Variants in EPB41L4B observed in about 807,000 individuals in gnomAD.
The protein encoded by EPB41L4B is band 4.1-like protein 4B.
EPB41L4B carries 30 observed loss-of-function variants against 112.5 expected under a neutral mutation model. The ratio of observed to expected loss-of-function variants is 0.27; its 90% CI spans 0.20 to 0.36. The LOEUF is 0.36. Ranked by LOEUF, EPB41L4B falls within the 10% of genes least tolerant of loss-of-function variation. EPB41L4B has a pLI of 1.00. For missense variants in EPB41L4B, 1,024 were observed against 1,133.3 expected, an observed-to-expected ratio of 0.90 and a Z score of 1.38; for synonymous variants, 408 against 439.7, an observed-to-expected ratio of 0.93 and a Z score of 0.90.
In EPB41L4B at chr9:109,176,404, C is replaced by G. The variant is rs181246804; in HGVS notation, c.2633+147G>C. The G allele has an allele frequency of 6.6e-5, 61 of 929,574 alleles. No homozygotes were observed. In the African/African-American group the frequency reaches 7.3e-4, roughly 11 times the overall value. The allele number at this position is 929,574 out of a possible 1,614,324, so 57.6% of individuals were successfully genotyped here. The stretch of plus-strand genomic sequence containing the variant: ...ACAGATGAGAGCCACCGCACCTGGC[C>G]CCTTTATAGACATTTCAATAAATAC... On this transcript the variant is annotated intron_variant, in intron 25 of 25. Coordinates refer to ENST00000374566, the MANE Select transcript of EPB41L4B (RefSeq NM_019114.5).
intron 1 of EPB41L4B, among the ~76,000 whole-genome samples, chr9:109,314,613 G>T (rs981804621): frequency 3.0e-4 from 44 of 145,792 alleles, no homozygotes; most frequent in African/African-American, 1.1e-3. Context: ...CTTTGGGAAG[G>T]GTGTTCATTA....
intron 23 of EPB41L4B, among the ~76,000 whole-genome samples, chr9:109,184,822 G>A (rs949170659): frequency 9.9e-5 from 15 of 152,168 alleles, no homozygotes; most frequent in African/African-American, 3.1e-4. Flanking sequence ...CGAACAAAGC[G>A]CACATCCTGT....
intron 25 of EPB41L4B, among the ~76,000 whole-genome samples, chr9:109,175,460 A>G (rs1831784151): frequency 1.6e-5 from 2 of 126,164 alleles, no homozygotes; most frequent in South Asian, 5.0e-4. Flanking sequence ...ACCTGTCTCC[A>G]CTGTTTAAAC....
At position 109,197,379 on chromosome 9, in the gene EPB41L4B, A is replaced by T. The variant is rs148101143; in HGVS notation, c.2045+2857T>A. On this transcript the variant is annotated intron_variant, in intron 20 of 25. Transcript: ENST00000374566. ...CGGAGGCTGCAGTGAGCTAAGACTG[A>T]GCCATTGCACTCCAGCCTGGGTGAC... 1.6e-3 allele frequency among the ~76,000 whole-genome samples: 250 copies of T among 151,996 alleles called. 1 individual carries two copies. The highest frequency in any genetic ancestry group is 5.7e-3 in the African/African-American group (237 of 41,456).
chr9:109,271,619 C>T (rs1027997386), intron 2 of EPB41L4B, among the ~76,000 whole-genome samples: 1 of 152,210 alleles, frequency 6.6e-6, no homozygotes, highest in Non-Finnish European at 1.5e-5. Context: ...CTGTATCCTA[C>T]GCTCGGCTTT....
intron 19 of EPB41L4B, among the ~76,000 whole-genome samples, chr9:109,201,449 C>CAAAAAAAAAAAA (rs563680101): frequency 1.7e-5 from 1 of 59,404 alleles, no homozygotes; most frequent in Non-Finnish European, 3.7e-5. Context: ...GACCCTGTCT[C>CAAAAAAAAAAAA]AAAAAAAAAA....
At chr9:109,263,385 A>T (rs1234051683) in intron 5 of EPB41L4B, among the ~76,000 whole-genome samples, 1 of 152,278 alleles carries the variant, frequency 6.6e-6, no homozygotes, top group African/African-American at 2.4e-5. Flanking sequence ...TTTGGAAAAC[A>T]GAATGAAAAG....
At chr9:109,244,300 G>C (rs745880668) in intron 14 of EPB41L4B, among the ~76,000 whole-genome samples, 65 of 151,790 alleles carry the variant, frequency 4.3e-4, no homozygotes, top group Non-Finnish European at 6.9e-4. Context: ...AAAACAGGAG[G>C]GAGGGAGAGA....
Position 109,213,779 on chromosome 9 carries a change from G to A in EPB41L4B, c.1673C>T (p.Ala558Val), listed in dbSNP as rs752290861. ...CAGTTCCAGCTTCTTTAGATGGGCA[G>A]CGGCTTCACTGAACAAGGCAGGTGT... is the stretch of plus-strand genomic sequence containing the variant. ...PGTPALFSEA[A>V]AHLKKLELET... Residue 558 changes from alanine to valine, a missense_variant, in exon 17 of 26, where the codon GCT (alanine) becomes GTT (valine). Physicochemically the swap from Ala to Val is moderately conservative, Grantham distance 64. Coordinates refer to ENST00000374566, the MANE Select transcript of EPB41L4B (RefSeq NM_019114.5). 6.2e-7 allele frequency: 1 copy of A among 1,614,174 alleles called. No homozygotes were observed. The highest frequency in any genetic ancestry group is 1.1e-5 in the South Asian group (1 of 91,080).
intron 15 of EPB41L4B, among the ~76,000 whole-genome samples, chr9:109,232,030 T>C (rs917500002): frequency 3.5e-4 from 53 of 152,162 alleles, no homozygotes; most frequent in African/African-American, 1.2e-3. Flanking sequence ...ATCGCTCTGT[T>C]GCCCAGGCTG....
intron 6 of EPB41L4B, among the ~76,000 whole-genome samples, chr9:109,260,937 C>A (rs1388752640): frequency 6.6e-6 from 1 of 152,190 alleles, no homozygotes; most frequent in Non-Finnish European, 1.5e-5. Flanking sequence ...AACGTACAAG[C>A]TTGCAATATT....
chr9:109,250,092 C>T (rs1310566382), intron 13 of EPB41L4B, among the ~76,000 whole-genome samples: 1 of 152,174 alleles, frequency 6.6e-6, no homozygotes, highest in African/African-American at 2.4e-5. Flanking sequence ...AGGACCTCCA[C>T]ATTTGTCTGT....
intron 6 of EPB41L4B, among the ~76,000 whole-genome samples, chr9:109,260,470 A>G (rs1835160477): frequency 7.2e-6 from 1 of 139,114 alleles, no homozygotes; most frequent in Admixed American, 8.0e-5. Context: ...GCTGGAGTGC[A>G]GTAATGCAAT....
chr9:109,275,593 C>T (rs972471006), intron 2 of EPB41L4B, among the ~76,000 whole-genome samples: 1 of 152,162 alleles, frequency 6.6e-6, no homozygotes, highest in African/African-American at 2.4e-5. Context: ...TGATGACTTC[C>T]GGTCCCCCCT....
rs1833407354 is a variant in EPB41L4B, at chr9:109,217,203, T to C, written c.1410-58A>G. On this transcript the variant is annotated intron_variant, in intron 15 of 25. Coordinates refer to ENST00000374566, the MANE Select transcript of EPB41L4B (RefSeq NM_019114.5). ...AGCAGAATGCCTTGCAAGCCCTCTG[T>C]GTACTTTCAAAGACGTTTTCTAGGC... 10 of 1,530,538 alleles carry C rather than the reference T, an allele frequency of 6.5e-6. No individual in the cohort carries two copies. In the South Asian group the frequency reaches 9.0e-5, roughly 14 times the overall value. The allele number at this position is 1,530,538 out of a possible 1,614,324, so 94.8% of individuals were successfully genotyped here.
intron 1 of EPB41L4B, among the ~76,000 whole-genome samples, chr9:109,286,286 T>C (rs1836277231): frequency 6.6e-6 from 1 of 151,792 alleles, no homozygotes; most frequent in African/African-American, 2.4e-5. Context: ...GTGGGTAAGA[T>C]CTGGGGCCAA....
At chr9:109,282,883 A>G (rs954895146) in intron 1 of EPB41L4B, among the ~76,000 whole-genome samples, 1 of 151,408 alleles carries the variant, frequency 6.6e-6, no homozygotes, top group African/African-American at 2.4e-5. Context: ...GGGTTTCACC[A>G]TGTTGGCCAG....
intron 12 of EPB41L4B, 76 bp downstream of exon 12, chr9:109,253,365 C>T: frequency 2.0e-6 from 2 of 1,024,978 alleles, no homozygotes; most frequent in Admixed American, 2.0e-5. Flanking sequence ...TCATAAGCTG[C>T]TTGACCAAGC....
At chr9:109,174,657 A>T in intron 25 of EPB41L4B, 34 bp from the exon 26 acceptor site, 1 of 1,593,998 alleles carries the variant, frequency 6.3e-7, no homozygotes, top group South Asian at 1.1e-5. Flanking sequence ...TAGTGAGACA[A>T]TCCCTCAAAA....
Sources: gnomAD v4.1 joint callset for allele counts (sites outside exome capture counted in the v4.1 genomes callset) on GRCh38, gnomAD v4.1.1 for gene constraint, MANE v1.5 for transcripts, NCBI Gene and HGNC (gene_info 2026-07-23, HGNC 2026-07-21) for gene names.